ROBO2: variants seen among roughly 807,000 people sequenced by gnomAD.
The protein encoded by ROBO2 is roundabout homolog 2.
Under a neutral mutation model 160.8 loss-of-function variants are expected in ROBO2, and 53 were observed. The observed-to-expected ratio is 0.33, with a 90% CI of 0.26 to 0.41. The LOEUF is 0.41. ROBO2 is among the 10% of genes least tolerant of loss of function. The pLI is 1.00. For synonymous variants in ROBO2, 664 were observed against 611.7 expected (o/e 1.09, Z -1.26); for missense variants, 1,577 against 1,722.4 (o/e 0.92, Z 1.49).
At chr3:77,326,104 T>G (rs2065358002) in intron 2 of ROBO2, among the ~76,000 whole-genome samples, 1 of 152,172 alleles carries the variant, frequency 6.6e-6, no homozygotes, top group Non-Finnish European at 1.5e-5. Context: ...GAATGAAAAA[T>G]GGAACTTTTT....
chr3:76,460,203 C>T (rs918477731), intron 2 of ROBO2, among the ~76,000 whole-genome samples: 1 of 151,240 alleles, frequency 6.6e-6, no homozygotes, highest in Admixed American at 6.6e-5. Context: ...GATAATTTAC[C>T]CCAAGATTTA....
chr3:77,132,262 T>C (rs1447363132), intron 2 of ROBO2, among the ~76,000 whole-genome samples: 1 of 152,122 alleles, frequency 6.6e-6, no homozygotes, highest in South Asian at 2.1e-4. Flanking sequence ...GTAGTTTTGA[T>C]TTCTCTGAGC....
chr3:77,635,080 A>C, intron 24 of ROBO2, 37 bp downstream of exon 25: 1 of 1,602,940 alleles, frequency 6.2e-7, no homozygotes. Flanking sequence ...TCCTCGCTGA[A>C]GAGACGTGCT....
At chr3:76,727,774 A>G (rs1051463651) in intron 2 of ROBO2, among the ~76,000 whole-genome samples, 1 of 152,158 alleles carries the variant, frequency 6.6e-6, no homozygotes, top group African/African-American at 2.4e-5. Flanking sequence ...GATAGTAAAG[A>G]GAAAGTGGTT....
chr3:76,233,061 T>C (rs1319737806), intron 2 of ROBO2, among the ~76,000 whole-genome samples: 1 of 152,226 alleles, frequency 6.6e-6, no homozygotes, highest in Non-Finnish European at 1.5e-5. Flanking sequence ...AACCTTATTC[T>C]TCCTATTGAA....
chr3:76,720,657 A>G lies in ROBO2; in HGVS notation c.110-377357A>G, dbSNP rs150581348. ...AAGAAGCTATAGACTAGTGTATTATAAAATTCAAATTCATATTTATAGTTA... is the reference window on the plus strand; with the variant it reads ...AAGAAGCTATAGACTAGTGTATTATGAAATTCAAATTCATATTTATAGTTA... On this transcript the variant is annotated intron_variant, in intron 2 of 26. Transcript: ENST00000487694. Among the ~76,000 whole-genome samples, 6 of 152,360 alleles carry G rather than the reference A, an allele frequency of 3.9e-5. No homozygotes were observed. In the East Asian group the frequency reaches 1.2e-3, roughly 29 times the overall value.
intron 1 of ROBO2, among the ~76,000 whole-genome samples, chr3:77,057,867 G>A (rs1249936563): frequency 6.6e-6 from 1 of 151,816 alleles, no homozygotes; most frequent in South Asian, 2.1e-4. Context: ...CCGCGTCCTG[G>A]CAATATATTT....
At chr3:77,545,233 A>C (rs1308019026) in intron 6 of ROBO2, among the ~76,000 whole-genome samples, 5 of 152,064 alleles carry the variant, frequency 3.3e-5, no homozygotes, top group Non-Finnish European at 7.4e-5. Context: ...GACTTCTGAA[A>C]CCCTCCTTTG....
intron 2 of ROBO2, among the ~76,000 whole-genome samples, chr3:77,351,121 C>T (rs561066208): frequency 3.9e-5 from 6 of 152,230 alleles, no homozygotes; most frequent in African/African-American, 1.4e-4. Flanking sequence ...TTGTTTTACT[C>T]CTGACTTGTC....
chr3:77,136,099 G>A (rs1398681745), intron 2 of ROBO2, among the ~76,000 whole-genome samples: 1 of 152,102 alleles, frequency 6.6e-6, no homozygotes, highest in Non-Finnish European at 1.5e-5. Flanking sequence ...AGTATTTTGG[G>A]TTTGGGACAT....
At chr3:76,261,720 G>T (rs1420174492) in intron 2 of ROBO2, among the ~76,000 whole-genome samples, 3 of 151,958 alleles carry the variant, frequency 2.0e-5, no homozygotes, top group African/African-American at 7.2e-5. Flanking sequence ...AAAAAATACT[G>T]TGTGCATTTT....
At chr3:77,592,541 A>G (rs953591513) in intron 17 of ROBO2, among the ~76,000 whole-genome samples, 2 of 151,964 alleles carry the variant, frequency 1.3e-5, no homozygotes, top group Non-Finnish European at 2.9e-5. Flanking sequence ...ATGTGTGTAT[A>G]TATATATAAA....
At chr3:75,978,038 A>T (rs1487852675) in intron 2 of ROBO2, among the ~76,000 whole-genome samples, 1 of 151,712 alleles carries the variant, frequency 6.6e-6, no homozygotes, top group East Asian at 1.9e-4. Context: ...CAATTTTTCA[A>T]AATAGTGATA....
intron 2 of ROBO2, among the ~76,000 whole-genome samples, chr3:76,728,462 A>G (rs2093586207): frequency 6.6e-6 from 1 of 152,188 alleles, no homozygotes; most frequent in Non-Finnish European, 1.5e-5. Context: ...TGCAAATTGT[A>G]TTTTGCCAAG....
At position 77,562,108 on chromosome 3, in the gene ROBO2, T is replaced by TA. The variant is rs201781626; in HGVS notation, c.1438-534dup. On this transcript the variant is annotated intron_variant, in intron 9 of 25. Transcript: ENST00000461745. Reference sequence around the variant, plus strand: ...ACAAGAGCAAAACTCTGTCTCGGGGTAAAAAAAAAGTTCTTTTTCTTCTTC... The same window carrying TA: ...ACAAGAGCAAAACTCTGTCTCGGGGTAAAAAAAAAAGTTCTTTTTCTTCTTC... Among the ~76,000 whole-genome samples the TA allele has an allele frequency of 2.0e-3, 308 of 151,234 alleles. 1 individual carries two copies. Among genetic ancestry groups the TA allele is most frequent in the African/African-American group, 7.1e-3 (291 of 41,210 alleles).
intron 2 of ROBO2, among the ~76,000 whole-genome samples, chr3:75,969,715 C>G (rs1304174895): frequency 6.6e-6 from 1 of 151,524 alleles, no homozygotes; most frequent in African/African-American, 2.4e-5. Flanking sequence ...AACATCTATT[C>G]AGATACTTTG....
intron 2 of ROBO2, among the ~76,000 whole-genome samples, chr3:77,204,843 T>C (rs912727110): frequency 6.6e-6 from 1 of 152,194 alleles, no homozygotes; most frequent in Non-Finnish European, 1.5e-5. Flanking sequence ...GGTAGGGAGA[T>C]AGGAATGGGT....
chr3:77,338,120 C>T (rs1303774421), intron 2 of ROBO2, among the ~76,000 whole-genome samples: 1 of 152,056 alleles, frequency 6.6e-6, no homozygotes. Context: ...AAACAGACAT[C>T]AGAGAAGGGG....
At chr3:76,253,384 C>A (rs1269900321) in intron 2 of ROBO2, among the ~76,000 whole-genome samples, 1 of 151,832 alleles carries the variant, frequency 6.6e-6, no homozygotes, top group African/African-American at 2.4e-5. Context: ...GTGATTCCCC[C>A]ACCTCAGCCT....
Sources: gnomAD v4.1 joint callset for allele counts (sites outside exome capture counted in the v4.1 genomes callset) on GRCh38, gnomAD v4.1.1 for gene constraint, MANE v1.5 for transcripts, NCBI Gene and HGNC (gene_info 2026-07-23, HGNC 2026-07-21) for gene names.